The following FSCN1 variants were observed in gnomAD, a reference collection of about 807,000 sequenced individuals.
FSCN1 encodes fascin.
FSCN1 carries 10 observed loss-of-function variants against 39.7 expected under a neutral mutation model. That is an observed-to-expected ratio of 0.25 (90% CI 0.16 to 0.43). The LOEUF (loss-of-function observed/expected upper bound fraction) is 0.43, where lower values mean the gene tolerates loss of function less well. FSCN1 is among the 20% of genes least tolerant of loss of function. FSCN1 has a pLI of 1.00. For synonymous variants in FSCN1, 322 were observed against 320.0 expected, an observed-to-expected ratio of 1.01 and a Z score of -0.07; for missense variants, 525 against 723.8, an observed-to-expected ratio of 0.73 and a Z score of 3.15.
chr7:5,593,894 C>T (rs886557670), intron 1 of FSCN1, 126 bp downstream of exon 1: 13 of 678,530 alleles, frequency 1.9e-5, no homozygotes, highest in South Asian at 1.4e-4. Context: ...GCCCATTGCG[C>T]CCCCGCTAGG....
At chr7:5,604,153 C>T (rs1289647642) in intron 4 of FSCN1, 123 bp downstream of exon 4, 2 of 853,406 alleles carry the variant, frequency 2.3e-6, no homozygotes, top group Non-Finnish European at 3.6e-6. Context: ...CATTCCAGGC[C>T]CTAAAGGGAC....
intron 1 of FSCN1, among the ~76,000 whole-genome samples, chr7:5,596,190 G>A (rs955614237): frequency 3.3e-5 from 5 of 152,056 alleles, no homozygotes; most frequent in African/African-American, 1.2e-4. Flanking sequence ...CATTTTGGAC[G>A]GGCCTGCGTG....
chr7:5,593,036 A>T lies in FSCN1; in HGVS notation c.100A>T (p.Asn34Tyr). The change falls in exon 1 of 5, where the codon AAC becomes TAC. Residue 34 changes from asparagine to tyrosine, a missense_variant. By Grantham distance (143) the Asn-to-Tyr change is moderately radical. Transcript: ENST00000382361. ...LTAEAFGFKV[N>Y]ASASSLKKKQ... ...GGCCGAGGCGTTCGGGTTCAAGGTGAACGCGTCCGCCAGCAGCCTGAAGAA... is the reference window on the plus strand; with the variant it reads ...GGCCGAGGCGTTCGGGTTCAAGGTGTACGCGTCCGCCAGCAGCCTGAAGAA... 6.3e-7 allele frequency: 1 copy of T among 1,599,608 alleles called. No homozygotes were observed. The highest frequency in any genetic ancestry group is 8.5e-7 in the Non-Finnish European group (1 of 1,173,884).
chr7:5,603,428 C>T lies in FSCN1; in HGVS notation c.989+15C>T, dbSNP rs561836811. On this transcript the variant is annotated intron_variant, in intron 2 of 4. Coordinates refer to ENST00000382361, the MANE Select transcript of FSCN1 (RefSeq NM_003088.4). This position sits in a 1 kb window ranked among gnomAD's most constrained non-coding sequence, Gnocchi z 8.5. ...GCCTCCAGCAAGTGAGTGCCTCGCT[C>T]CCACCTGTCACCGCCCCCACCACCT... 1.2e-6 allele frequency: 2 copies of T among 1,613,766 alleles called. No individual in the cohort carries two copies. Among genetic ancestry groups the T allele is most frequent in the African/African-American group, 2.7e-5 (2 of 75,070 alleles).
rs767234948 is a variant in FSCN1 at position 5,592,901 on chromosome 7, C to A, written c.-36C>A. 5 of 1,361,946 alleles carry A rather than the reference C, an allele frequency of 3.7e-6. No homozygotes were observed. The highest frequency in any genetic ancestry group is 3.9e-6 in the Non-Finnish European group (4 of 1,019,954). 84.4% of individuals were successfully genotyped at this position (1,361,946 alleles called of 1,614,324 possible). ...GCCGCAGGGACCCGCCACCCACCTC[C>A]CGGGGCCGCGCAGCGGCCTCTCGTC... is the stretch of plus-strand genomic sequence containing the variant. On this transcript the variant is annotated 5_prime_UTR_variant, in exon 1 of 5. Coordinates refer to ENST00000382361, the MANE Select transcript of FSCN1 (RefSeq NM_003088.4). This position sits in a 1 kb window ranked among gnomAD's most constrained non-coding sequence, Gnocchi z 5.3.
At position 5,592,872 on chromosome 7, in the gene FSCN1, CG is replaced by C. The variant is rs1245537658; in HGVS notation, c.-64del. 9 of 985,348 alleles carry C rather than the reference CG, an allele frequency of 9.1e-6. No individual in the cohort carries two copies. Among genetic ancestry groups the C allele is most frequent in the Non-Finnish European group, 1.2e-5 (8 of 681,462 alleles). The allele number at this position is 985,348 out of a possible 1,614,324, so 61.0% of individuals were successfully genotyped here. On this transcript the variant is annotated 5_prime_UTR_variant, in exon 1 of 5. Transcript: ENST00000382361. The surrounding 1 kb of genome is among the most constrained non-coding windows in gnomAD (Gnocchi z 5.3). ...CGGCAGCCGAACAAAGGAGCAGGGGCGCCGCCGCAGGGACCCGCCACCCACC... is the reference window on the plus strand; with the variant it reads ...CGGCAGCCGAACAAAGGAGCAGGGGCCCGCCGCAGGGACCCGCCACCCACC...
At chr7:5,597,483 A>G (rs563085367) in intron 1 of FSCN1, among the ~76,000 whole-genome samples, 1 of 152,116 alleles carries the variant, frequency 6.6e-6, no homozygotes, top group East Asian at 1.9e-4. Context: ...TCTGACCAAC[A>G]TGGAGAAACC....
At position 5,603,980 on chromosome 7, in the gene FSCN1, G is replaced by A; in HGVS notation, c.1229G>A (p.Ser410Asn). 2 of 1,614,030 alleles carry A rather than the reference G, an allele frequency of 1.2e-6. No homozygotes were observed. The highest frequency in any genetic ancestry group is 1.7e-6 in the Non-Finnish European group (2 of 1,180,020). Residue 410 changes from serine to asparagine, a missense_variant, in exon 4 of 5, where the codon AGC becomes AAC. Ser to Asn is a conservative substitution (Grantham distance 46, BLOSUM62 1). This residue lies in a region of FSCN1 where 275 missense variants were observed against 351.9 expected (regional missense o/e 0.78). Coordinates refer to ENST00000382361, the MANE Select transcript of FSCN1 (RefSeq NM_003088.4). This position sits in a 1 kb window ranked among gnomAD's most constrained non-coding sequence, Gnocchi z 8.5. ...GGCACCCTGGACGCCAACCGCTCCA[G>A]CTATGACGTCTTCCAGCTGGAGTTC... ...VTGTLDANRS[S>N]YDVFQLEFND...
chr7:5,598,983 C>G, intron 1 of FSCN1, among the ~76,000 whole-genome samples: 1 of 152,208 alleles, frequency 6.6e-6, no homozygotes, highest in Non-Finnish European at 1.5e-5. Flanking sequence ...TGACGGCTCC[C>G]TGCAGCCCTG....
rs61731558 is a variant in FSCN1 at position 5,593,428 on chromosome 7, C to G, written c.492C>G (p.Ala164=). ...HLSARPADEI[A]VDRDVPWGVD... is the part of the protein sequence containing the mutation. ...GCGCGCGGCCGGCCGACGAGATCGC[C>G]GTGGACCGCGACGTGCCCTGGGGCG... The change falls in exon 1 of 5, where the codon GCC becomes GCG. Residue 164 remains alanine (A), a synonymous_variant. Coordinates refer to ENST00000382361, the MANE Select transcript of FSCN1 (RefSeq NM_003088.4). 2 of 1,612,106 alleles carry G rather than the reference C, an allele frequency of 1.2e-6. No individual in the cohort carries two copies. Among genetic ancestry groups the G allele is most frequent in the Middle Eastern group, 1.7e-4 (1 of 5,926 alleles).
rs11557822 is a variant in FSCN1, at chr7:5,603,384, C to T, written c.960C>T (p.Thr320=). The T allele has an allele frequency of 2.8e-5, 45 of 1,613,646 alleles. No homozygotes were observed. The East Asian group carries it at 4.2e-4, about 15-fold the overall frequency. ...HTGKYWTLTA[T]GGVQSTASSK... ...GCAAGTACTGGACGCTGACGGCCAC[C>T]GGGGGCGTGCAGTCCACCGCCTCCA... The change falls in exon 2 of 5, where the codon ACC becomes ACT. Residue 320 remains threonine (T), a synonymous_variant. Coordinates refer to ENST00000382361, the MANE Select transcript of FSCN1 (RefSeq NM_003088.4). The surrounding 1 kb of genome is among the most constrained non-coding windows in gnomAD (Gnocchi z 8.5).
In FSCN1 at chr7:5,603,240, A is replaced by G. The variant is rs779263627; in HGVS notation, c.833-17A>G. 17 of 1,611,176 alleles carry G rather than the reference A, an allele frequency of 1.1e-5. No individual in the cohort carries two copies. The highest frequency in any genetic ancestry group is 5.0e-5 in the Admixed American group (3 of 59,990). On this transcript the variant is annotated splice_polypyrimidine_tract_variant and intron_variant, in intron 1 of 4. Transcript: ENST00000382361. This position sits in a 1 kb window ranked among gnomAD's most constrained non-coding sequence, Gnocchi z 8.5. ...GGCGTGGGGCCCCAGTACCAGCCCA[A>G]GGCCTCCTCTCTGCAGGTATGGACC...
At chr7:5,596,316 C>T (rs560076205) in intron 1 of FSCN1, among the ~76,000 whole-genome samples, 5 of 152,282 alleles carry the variant, frequency 3.3e-5, no homozygotes, top group South Asian at 2.1e-4. Flanking sequence ...CCTGCACGGG[C>T]GGGCCCGGTG....
rs1196247528 is a variant in FSCN1, at chr7:5,595,570, T to C, written c.832+1802T>C. On this transcript the variant is annotated intron_variant, in intron 1 of 4. Coordinates refer to ENST00000382361, the MANE Select transcript of FSCN1 (RefSeq NM_003088.4). ...GCTGAGTCCTTTCTGAGCAGGACAT[T>C]TGAGCTGGCCTGAAGGATGAATAGA... Among the ~76,000 whole-genome samples, 3 of 152,064 alleles carry C rather than the reference T, an allele frequency of 2.0e-5. No individual in the cohort carries two copies. The East Asian group carries it at 5.8e-4, about 29-fold the overall frequency.
rs550354749 is a variant in FSCN1 at position 5,605,360 on chromosome 7, C to T, written c.1368C>T (p.Cys456=). The part of the protein sequence containing the change: ...DTPVDFFFEF[C]DYNKVAIKVG... ...CTGTGGACTTCTTCTTCGAGTTCTG[C>T]GACTATAACAAGGTGGCCATCAAGG... Residue 456 remains cysteine (C), a synonymous_variant, in exon 5 of 5, where the codon TGC becomes TGT. Coordinates refer to ENST00000382361, the MANE Select transcript of FSCN1 (RefSeq NM_003088.4). This position sits in a 1 kb window ranked among gnomAD's most constrained non-coding sequence, Gnocchi z 6.9. 9.3e-6 allele frequency: 15 copies of T among 1,613,642 alleles called. No individual in the cohort carries two copies. Among genetic ancestry groups the T allele is most frequent in the African/African-American group, 2.7e-5 (2 of 75,040 alleles).
At chr7:5,595,921 G>T (rs955757836) in intron 1 of FSCN1, among the ~76,000 whole-genome samples, 2 of 152,128 alleles carry the variant, frequency 1.3e-5, no homozygotes, top group African/African-American at 4.8e-5. Flanking sequence ...GCTTGCTGGG[G>T]GCGTCTGGTG....
intron 1 of FSCN1, 140 bp downstream of exon 1, chr7:5,593,908 G>C: frequency 4.8e-6 from 3 of 628,454 alleles, no homozygotes; most frequent in Non-Finnish European, 8.0e-6. Flanking sequence ...CGCTAGGCAC[G>C]CGGGCTACCC....
chr7:5,602,092 G>A (rs1413144090), intron 1 of FSCN1, among the ~76,000 whole-genome samples: 2 of 151,902 alleles, frequency 1.3e-5, no homozygotes, highest in Non-Finnish European at 2.9e-5. Flanking sequence ...TTTTAGTAGA[G>A]ACGGGGTGAC....
chr7:5,597,679 CA>C (rs199732349), intron 1 of FSCN1, among the ~76,000 whole-genome samples: 18 of 128,072 alleles, frequency 1.4e-4, no homozygotes, highest in African/African-American at 5.1e-4. Flanking sequence ...AAAAACAAAA[CA>C]AAACAAAAAA....
Sources: allele counts gnomAD v4.1 joint callset (sites outside exome capture counted in the v4.1 genomes callset), GRCh38; gene constraint gnomAD v4.1.1; regional missense constraint gnomAD v4.1.1; non-coding constraint Gnocchi (gnomAD v3.1); transcripts MANE v1.5; gene names NCBI Gene and HGNC (gene_info 2026-07-23, HGNC 2026-07-21).